The following KSR2 variants were observed in gnomAD, a reference collection of about 807,000 sequenced individuals.
KSR2 encodes the protein kinase suppressor of ras 2.
In KSR2, 25 loss-of-function variants were observed where a neutral mutation model predicts 107.8. The ratio of observed to expected loss-of-function variants is 0.23; its 90% CI spans 0.17 to 0.32. The LOEUF (loss-of-function observed/expected upper bound fraction) is 0.32, where lower values mean the gene tolerates loss of function less well. KSR2 is among the 10% of genes least tolerant of loss of function. The pLI is 1.00. For synonymous variants in KSR2, 480 were observed against 507.0 expected (o/e 0.95, Z 0.71); for missense variants, 887 against 1,268.9 (o/e 0.70, Z 4.57).
chr12:117,779,594 G>A (rs1466172168), intron 3 of KSR2, among the ~76,000 whole-genome samples: 1 of 152,168 alleles, frequency 6.6e-6, no homozygotes, highest in Non-Finnish European at 1.5e-5. Context: ...GGGACCTGGT[G>A]GGAGGTGATT....
intron 7 of KSR2, among the ~76,000 whole-genome samples, chr12:117,560,373 T>G (rs1015723563): frequency 1.3e-5 from 2 of 151,922 alleles, no homozygotes; most frequent in Non-Finnish European, 2.9e-5. Flanking sequence ...GGGCTCTGAA[T>G]TCCTCTCTGA....
chr12:117,699,398 T>C (rs1029941543), intron 4 of KSR2, among the ~76,000 whole-genome samples: 3 of 152,144 alleles, frequency 2.0e-5, no homozygotes, highest in African/African-American at 2.4e-5. Flanking sequence ...AGAAATGCAT[T>C]AGGTTATTTT....
At chr12:117,492,663 G>C (rs1872807077) in intron 14 of KSR2, among the ~76,000 whole-genome samples, 1 of 152,224 alleles carries the variant, frequency 6.6e-6, no homozygotes, top group Non-Finnish European at 1.5e-5. Flanking sequence ...TTGCAGATGT[G>C]ATTGAGTCAT....
intron 7 of KSR2, among the ~76,000 whole-genome samples, chr12:117,569,239 G>T (rs1199328371): frequency 6.6e-6 from 1 of 152,214 alleles, no homozygotes; most frequent in African/African-American, 2.4e-5. Flanking sequence ...ATCAAGATGT[G>T]CTTGGTTTTG....
At chr12:117,729,521 G>A (rs558150223) in intron 4 of KSR2, among the ~76,000 whole-genome samples, 2 of 152,058 alleles carry the variant, frequency 1.3e-5, no homozygotes, top group Non-Finnish European at 2.9e-5. Flanking sequence ...GATGGGGCTG[G>A]TATCTTCAGT....
At chr12:117,515,952 A>C (rs565694299) in intron 14 of KSR2, among the ~76,000 whole-genome samples, 2 of 152,336 alleles carry the variant, frequency 1.3e-5, no homozygotes, top group Non-Finnish European at 2.9e-5. Flanking sequence ...ACAGCAATGT[A>C]ATAGGAGGAG....
intron 7 of KSR2, among the ~76,000 whole-genome samples, chr12:117,570,104 G>T (rs1033627758): frequency 1.3e-5 from 2 of 151,744 alleles, no homozygotes; most frequent in Non-Finnish European, 2.9e-5. Flanking sequence ...CCAGGTTCAC[G>T]CCATTCTCCT....
At chr12:117,787,260 T>C (rs1387452640) in intron 3 of KSR2, among the ~76,000 whole-genome samples, 1 of 152,168 alleles carries the variant, frequency 6.6e-6, no homozygotes, top group Non-Finnish European at 1.5e-5. Flanking sequence ...CTCTGTAGCA[T>C]CTTGTGGGAT....
intron 4 of KSR2, among the ~76,000 whole-genome samples, chr12:117,752,108 T>C (rs1422883869): frequency 6.6e-6 from 1 of 152,210 alleles, no homozygotes; most frequent in African/African-American, 2.4e-5. Flanking sequence ...CCTGTTTCCA[T>C]GCAAACAACA....
chr12:117,496,343 G>A (rs1023115590), intron 14 of KSR2, among the ~76,000 whole-genome samples: 1 of 152,160 alleles, frequency 6.6e-6, no homozygotes, highest in African/African-American at 2.4e-5. Context: ...CACATTGTGG[G>A]GTCCAGCCTG....
chr12:117,733,913 C>A (rs867395809), intron 4 of KSR2, among the ~76,000 whole-genome samples: 11 of 152,166 alleles, frequency 7.2e-5, no homozygotes, highest in South Asian at 6.2e-4. Flanking sequence ...ATGAAGGAGT[C>A]TTTGAATGCA....
intron 14 of KSR2, among the ~76,000 whole-genome samples, chr12:117,495,198 T>G (rs1283289654): frequency 6.6e-6 from 1 of 152,180 alleles, no homozygotes; most frequent in African/African-American, 2.4e-5. Context: ...TTCTTGAAAC[T>G]CAAATCCCAG....
intron 14 of KSR2, among the ~76,000 whole-genome samples, chr12:117,506,309 T>C (rs189549821): frequency 2.6e-5 from 4 of 152,232 alleles, no homozygotes; most frequent in East Asian, 3.8e-4. Context: ...CTGGAAGAAT[T>C]AGACTATGGA....
At chr12:117,579,606 T>C (rs937733610) in intron 6 of KSR2, among the ~76,000 whole-genome samples, 4 of 152,164 alleles carry the variant, frequency 2.6e-5, no homozygotes, top group African/African-American at 4.8e-5. Flanking sequence ...GAGCAATGGA[T>C]AGGGCTGGAA....
intron 3 of KSR2, among the ~76,000 whole-genome samples, chr12:117,832,379 G>A (rs1186474036): frequency 2.0e-5 from 3 of 152,212 alleles, no homozygotes; most frequent in Non-Finnish European, 4.4e-5. Flanking sequence ...TATTTCAACA[G>A]AGAAATTCCC....
chr12:117,647,761 C>T (rs139914226), intron 5 of KSR2, among the ~76,000 whole-genome samples: 43 of 152,216 alleles, frequency 2.8e-4, no homozygotes, highest in African/African-American at 8.7e-4. Context: ...CTCACTCTGT[C>T]GCCCAGGCTG....
chr12:117,912,655 G>C (rs1288493362), intron 1 of KSR2, among the ~76,000 whole-genome samples: 1 of 152,156 alleles, frequency 6.6e-6, no homozygotes, highest in African/African-American at 2.4e-5. Context: ...CAAATGCCTT[G>C]GCCTGGTGGG....
intron 3 of KSR2, among the ~76,000 whole-genome samples, chr12:117,855,059 A>T (rs1218942186): frequency 1.6e-4 from 8 of 51,546 alleles, no homozygotes; most frequent in East Asian, 1.3e-3. Context: ...TACTTCTGTT[A>T]AAAAAAAAAT....
chr12:117,478,993 C>G (rs1871979678), intron 16 of KSR2, among the ~76,000 whole-genome samples: 1 of 152,192 alleles, frequency 6.6e-6, no homozygotes, highest in Non-Finnish European at 1.5e-5. Flanking sequence ...ACTTGCAGAT[C>G]ACACCTGTAG....
Sources: allele counts gnomAD v4.1 joint callset (sites outside exome capture counted in the v4.1 genomes callset), GRCh38; gene constraint gnomAD v4.1.1; transcripts MANE v1.5; gene names NCBI Gene and HGNC (gene_info 2026-07-23, HGNC 2026-07-21).